The following CDCA7 variants were observed in gnomAD, a reference collection of about 807,000 sequenced individuals.
The protein encoded by CDCA7 is cell division cycle associated 7.
In CDCA7, 28 loss-of-function variants were observed where a neutral mutation model predicts 54.0. That is an observed-to-expected ratio of 0.52 (90% CI 0.38 to 0.71). CDCA7 has a LOEUF of 0.71. CDCA7 is among the 30% of genes least tolerant of loss of function. The probability of loss-of-function intolerance (pLI) is 0.00; values close to 1 mark genes in which losing one functional copy is unlikely to be tolerated. For missense variants in CDCA7, 484 were observed against 586.0 expected, an observed-to-expected ratio of 0.83 and a Z score of 1.80; for synonymous variants, 180 against 208.2, an observed-to-expected ratio of 0.86 and a Z score of 1.16.
chr2:173,365,321 T>C (rs1344140836), intron 6 of CDCA7, 131 bp from the exon 7 acceptor site: 1 of 1,016,118 alleles, frequency 9.8e-7, no homozygotes, highest in Non-Finnish European at 1.4e-6. Flanking sequence ...AAGTCAAGTA[T>C]CTGAGATTCA....
chr2:173,368,504 C>T lies in CDCA7; in HGVS notation c.*840C>T, dbSNP rs1686763417. The T allele has an allele frequency of 1.3e-5, 2 of 152,190 alleles. No homozygotes were observed. The highest frequency in any genetic ancestry group is 3.2e-3 in the Middle Eastern group (1 of 316). 9.4% of individuals were successfully genotyped at this position (152,190 alleles called of 1,614,324 possible). ...ATTCTTGGACAATTTTGTATGGAAA[C>T]TTGATATTAAAAACTAGTCTGTGGT... On this transcript the variant is annotated 3_prime_UTR_variant, in exon 10 of 10. Coordinates refer to ENST00000306721, the MANE Select transcript of CDCA7 (RefSeq NM_031942.5).
chr2:173,366,571 A>C lies in CDCA7; in HGVS notation c.1185+139A>C. On this transcript the variant is annotated intron_variant, in intron 8 of 9. Transcript: ENST00000306721. The surrounding 1 kb of genome is among the most constrained non-coding windows in gnomAD (Gnocchi z 4.5). Reference sequence around the variant, plus strand: ...TTCTTTTTTTTTAAGATGGAGTCTCATTCTGTCGCCAGGCTGCAGTGCAGT... The same window carrying C: ...TTCTTTTTTTTTAAGATGGAGTCTCCTTCTGTCGCCAGGCTGCAGTGCAGT... The C allele has an allele frequency of 8.5e-7, 1 of 1,175,008 alleles. No individual in the cohort carries two copies. The highest frequency in any genetic ancestry group is 1.7e-5 in the South Asian group (1 of 59,360). 72.8% of individuals were successfully genotyped at this position (1,175,008 alleles called of 1,614,324 possible).
Position 173,368,874 on chromosome 2 carries a change from GTTTAT to G in CDCA7, c.*1215_*1219del, listed in dbSNP as rs1232040297. ...TGATCTGTAATGCTTTTATACAAAA[GTTTAT>G]TTTAATAATAAAATGTTTGTTCTAA... On this transcript the variant is annotated 3_prime_UTR_variant, in exon 10 of 10. Coordinates refer to ENST00000306721, the MANE Select transcript of CDCA7 (RefSeq NM_031942.5). 2.0e-5 allele frequency: 3 copies of G among 152,132 alleles called. No homozygotes were observed. The highest frequency in any genetic ancestry group is 7.2e-5 in the African/African-American group (3 of 41,418). 9.4% of individuals were successfully genotyped at this position (152,132 alleles called of 1,614,324 possible).
chr2:173,361,555 G>A (rs890599916), intron 3 of CDCA7, among the ~76,000 whole-genome samples: 20 of 150,376 alleles, frequency 1.3e-4, no homozygotes, highest in African/African-American at 4.9e-4. Context: ...GGGTTCAAGC[G>A]ATTCTTGTGT....
rs1230670479 is a variant in CDCA7 at position 173,367,891 on chromosome 2, TCA to T, written c.*230_*231del. On this transcript the variant is annotated 3_prime_UTR_variant, in exon 10 of 10. Coordinates refer to ENST00000306721, the MANE Select transcript of CDCA7 (RefSeq NM_031942.5). ...TTCTTCTCTGCTCCCAACCCCCATCTCACAGCATCCCCCTCTATTTCCAATGC... is the reference window on the plus strand; with the variant it reads ...TTCTTCTCTGCTCCCAACCCCCATCTCAGCATCCCCCTCTATTTCCAATGC... The T allele has an allele frequency of 1.7e-6, 1 of 580,978 alleles. No individual in the cohort carries two copies. The highest frequency in any genetic ancestry group is 1.9e-5 in the African/African-American group (1 of 53,406). 36.0% of individuals were successfully genotyped at this position (580,978 alleles called of 1,614,324 possible). A position where few individuals can be genotyped will look rare whatever the true frequency, so the allele number is the denominator to read the frequency against.
At position 173,358,640 on chromosome 2, in the gene CDCA7, T is replaced by TA. The variant is rs918503928; in HGVS notation, c.22-63dup. ...TCTGTGCTGTTTGAACCTACTAAAC[T>TA]AAAAAAAAATGATGTCTTTAGTTAA... On this transcript the variant is annotated intron_variant, in intron 1 of 9. Transcript: ENST00000306721. The TA allele has an allele frequency of 4.0e-4, 600 of 1,494,470 alleles. 1 individual carries two copies. Among genetic ancestry groups the TA allele is most frequent in the Middle Eastern group, 5.4e-4 (3 of 5,528 alleles). 92.6% of individuals were successfully genotyped at this position (1,494,470 alleles called of 1,614,324 possible). A position where few individuals can be genotyped will look rare whatever the true frequency, so the allele number is the denominator to read the frequency against.
At chr2:173,363,786 A>G (rs1686667627) in intron 4 of CDCA7, 32 bp from the exon 5 acceptor site, 1 of 1,598,632 alleles carries the variant, frequency 6.3e-7, no homozygotes, top group African/African-American at 1.3e-5. Flanking sequence ...ATTCTAAGCC[A>G]ATGATATCAG....
Position 173,367,733 on chromosome 2 carries a change from C to G in CDCA7, c.*69C>G, listed in dbSNP as rs1686750490. On this transcript the variant is annotated 3_prime_UTR_variant, in exon 10 of 10. Transcript: ENST00000306721. ...CTTGTAAAAGTTTCCAATTTTTTCA[C>G]TGAAACCTGAGTTAAAAATCTTGAT... 1.3e-6 allele frequency: 2 copies of G among 1,504,776 alleles called. No individual in the cohort carries two copies. Among genetic ancestry groups the G allele is most frequent in the Non-Finnish European group, 1.8e-6 (2 of 1,081,998 alleles). The allele number at this position is 1,504,776 out of a possible 1,614,324, so 93.2% of individuals were successfully genotyped here.
At chr2:173,362,575 T>TC (rs1459559499) in intron 3 of CDCA7, among the ~76,000 whole-genome samples, 2 of 92,390 alleles carry the variant, frequency 2.2e-5, no homozygotes, top group African/African-American at 8.5e-5. Context: ...CACATTTTTT[T>TC]CCCTTTTTTT....
Position 173,354,903 on chromosome 2 carries a change from T to A in CDCA7, c.-61T>A, listed in dbSNP as rs1278666092. ...GCTGCTCCTCCTGCTGTGGGACCGCTGACCGCGCGGCTGCTCCGCTCTCCC... is the reference window on the plus strand; with the variant it reads ...GCTGCTCCTCCTGCTGTGGGACCGCAGACCGCGCGGCTGCTCCGCTCTCCC... On this transcript the variant is annotated 5_prime_UTR_variant, in exon 1 of 10. Transcript: ENST00000306721. 17 of 1,436,492 alleles carry A rather than the reference T, an allele frequency of 1.2e-5. No homozygotes were observed. In the Admixed American group the frequency reaches 4.1e-4, roughly 35 times the overall value. 89.0% of individuals were successfully genotyped at this position (1,436,492 alleles called of 1,614,324 possible).
At chr2:173,367,423 A>T (rs1686744583) in intron 9 of CDCA7, 137 bp downstream of exon 9, 6 of 1,406,414 alleles carry the variant, frequency 4.3e-6, no homozygotes, top group Middle Eastern at 2.4e-4. Context: ...ACTGGAAGGG[A>T]TGGGAACATT....
At chr2:173,367,060 A>G (rs1686737408) in intron 8 of CDCA7, 90 bp from the exon 9 acceptor site, 1 of 1,490,494 alleles carries the variant, frequency 6.7e-7, no homozygotes, top group Non-Finnish European at 9.0e-7. Context: ...TAAATTTTTA[A>G]CCATAAAGAA....
chr2:173,367,081 G>A, intron 8 of CDCA7, 69 bp from the exon 9 acceptor site: 1 of 1,522,686 alleles, frequency 6.6e-7, no homozygotes, highest in Non-Finnish European at 8.8e-7. Context: ...GGGGTTAAAT[G>A]TAATGTAGAT....
At chr2:173,363,164 G>A in intron 3 of CDCA7, 62 bp from the exon 4 acceptor site, 2 of 1,492,066 alleles carry the variant, frequency 1.3e-6, no homozygotes, top group Admixed American at 1.7e-5. Flanking sequence ...AAGGGACTTT[G>A]TAGTTATACT....
intron 3 of CDCA7, among the ~76,000 whole-genome samples, chr2:173,362,169 T>G (rs1686634184): frequency 6.6e-6 from 1 of 152,242 alleles, no homozygotes; most frequent in Non-Finnish European, 1.5e-5. Flanking sequence ...GATAAATTTT[T>G]AATGATGAAA....
At chr2:173,359,074 G>A (rs747336488) in intron 2 of CDCA7, among the ~76,000 whole-genome samples, 181 bp from the exon 3 acceptor site, 37 of 152,200 alleles carry the variant, frequency 2.4e-4, no homozygotes, top group Non-Finnish European at 4.6e-4. Context: ...TAACATGCAT[G>A]ATGATTTGCC....
Position 173,366,202 on chromosome 2 carries a change from G to C in CDCA7, c.1036-81G>C, listed in dbSNP as rs1686715945. On this transcript the variant is annotated intron_variant, in intron 7 of 9. Transcript: ENST00000306721. The surrounding 1 kb of genome is among the most constrained non-coding windows in gnomAD (Gnocchi z 4.5). ...AAAATGTAAGCCTATACTACGAAGA[G>C]GGACATTCTGTAAATATGCCATTTC... 2.1e-5 allele frequency: 31 copies of C among 1,477,736 alleles called. No homozygotes were observed. The highest frequency in any genetic ancestry group is 4.0e-5 in the Admixed American group (2 of 50,350). The allele number at this position is 1,477,736 out of a possible 1,614,324, so 91.5% of individuals were successfully genotyped here. A position where few individuals can be genotyped will look rare whatever the true frequency, so the allele number is the denominator to read the frequency against.
rs576697705 is a variant in CDCA7 at position 173,366,483 on chromosome 2, C to T, written c.1185+51C>T. The stretch of plus-strand genomic sequence containing the variant: ...TGTGGGCTTGAAGGTCAGCCACAAA[C>T]TGTGATGAGGCCAGAAAAAGGCATT... On this transcript the variant is annotated intron_variant, in intron 8 of 9. Coordinates refer to ENST00000306721, the MANE Select transcript of CDCA7 (RefSeq NM_031942.5). The surrounding 1 kb of genome is among the most constrained non-coding windows in gnomAD (Gnocchi z 4.5). 4 of 1,601,518 alleles carry T rather than the reference C, an allele frequency of 2.5e-6. No homozygotes were observed. In the East Asian group the frequency reaches 9.0e-5, roughly 36 times the overall value.
chr2:173,364,161 G>C (rs955359422), intron 5 of CDCA7: 1 of 327,464 alleles, frequency 3.1e-6, no homozygotes, highest in African/African-American at 2.1e-5. Flanking sequence ...CTCATGGGCA[G>C]GTAATGAAGA....
Sources: allele counts gnomAD v4.1 joint callset (sites outside exome capture counted in the v4.1 genomes callset), GRCh38; gene constraint gnomAD v4.1.1; non-coding constraint Gnocchi (gnomAD v3.1); transcripts MANE v1.5; gene names NCBI Gene and HGNC (gene_info 2026-07-23, HGNC 2026-07-21).